The following ATP9A variants were observed in gnomAD, a reference collection of about 807,000 sequenced individuals.
The protein encoded by ATP9A is probable phospholipid-transporting ATPase IIA.
ATP9A carries 52 observed loss-of-function variants against 144.1 expected under a neutral mutation model. That is an observed-to-expected ratio of 0.36 (90% CI 0.29 to 0.45). ATP9A has a LOEUF of 0.45. Among genes scored for constraint, ATP9A ranks in the 20% least tolerant of loss-of-function variants. The pLI is 1.00. For synonymous variants in ATP9A, 582 were observed against 557.4 expected, an observed-to-expected ratio of 1.04 and a Z score of -0.62; for missense variants, 947 against 1,392.7, an observed-to-expected ratio of 0.68 and a Z score of 5.09.
chr20:51,652,659 G>A (rs1351998826), intron 14 of ATP9A, among the ~76,000 whole-genome samples: 3 of 152,190 alleles, frequency 2.0e-5, no homozygotes, highest in Non-Finnish European at 2.9e-5. Flanking sequence ...GGCCTCTGAA[G>A]TAGTTTTTAG....
At chr20:51,614,914 T>C (rs1170649048) in intron 22 of ATP9A, among the ~76,000 whole-genome samples, 1 of 152,072 alleles carries the variant, frequency 6.6e-6, no homozygotes, top group Non-Finnish European at 1.5e-5. Context: ...ATAAATGTGA[T>C]TTGCAATCCT....
chr20:51,650,960 GAA>G lies in ATP9A; in HGVS notation c.1506+5976_1506+5977del, dbSNP rs1249512456. On this transcript the variant is annotated intron_variant, in intron 14 of 27. Coordinates refer to ENST00000338821, the MANE Select transcript of ATP9A (RefSeq NM_006045.3). ...ACAAGCGTAAGTCCTACAGAAATGT[GAA>G]AGTCATATGACTTTCTTTTTTTTAA... Among the ~76,000 whole-genome samples the G allele has an allele frequency of 1.6e-4, 24 of 150,252 alleles. 1 individual carries two copies. Among genetic ancestry groups the G allele is most frequent in the African/African-American group, 5.6e-4 (23 of 40,854 alleles).
chr20:51,729,784 T>C (rs376197875), intron 2 of ATP9A, 50 bp downstream of exon 2: 6 of 1,498,238 alleles, frequency 4.0e-6, no homozygotes, highest in Non-Finnish European at 5.3e-6. Flanking sequence ...TACCAATGCA[T>C]GTATTTGTGA....
intron 17 of ATP9A, among the ~76,000 whole-genome samples, chr20:51,627,239 A>C (rs920806643): frequency 6.6e-6 from 1 of 152,176 alleles, no homozygotes; most frequent in African/African-American, 2.4e-5. Flanking sequence ...ACTCCTAGAC[A>C]TATTTTTTGG....
Position 51,618,956 on chromosome 20 carries a change from C to T in ATP9A, c.2203G>A (p.Glu735Lys), listed in dbSNP as rs1440737871. 1.2e-6 allele frequency: 2 copies of T among 1,614,078 alleles called. No homozygotes were observed. Among genetic ancestry groups the T allele is most frequent in the Non-Finnish European group, 1.7e-6 (2 of 1,179,954 alleles). ...CTCTCAGGGGTCCCCAAGCTCACCT[C>T]CAGGGAGTCTCCCGAGATGACCAGG... The part of the protein sequence containing the change: ...CALVISGDSL[E>K]VCLKYYEYEF... The change falls in exon 20 of 28, where the codon GAG becomes AAG. Residue 735 changes from glutamate (E) to lysine (K), a missense_variant and splice_region_variant. Around this residue, in one of 2 missense-constraint regions of ATP9A, gnomAD observed 770 missense variants for 1,047.9 expected, o/e 0.73. Transcript: ENST00000338821.
intron 1 of ATP9A, among the ~76,000 whole-genome samples, chr20:51,763,937 G>C (rs75854548): frequency 0.063 from 9,534 of 152,128 alleles, 338 homozygotes; most frequent in Admixed American, 0.096. Context: ...TCCTAAATTT[G>C]ATCAGGAAAA....
At chr20:51,762,582 C>T (rs557723146) in intron 1 of ATP9A, among the ~76,000 whole-genome samples, 145 of 152,096 alleles carry the variant, frequency 9.5e-4, no homozygotes, top group African/African-American at 3.4e-3. Flanking sequence ...TCGCTTGAAC[C>T]CGGGAGGTGG....
At chr20:51,616,309 T>G (rs2077202743) in intron 22 of ATP9A, among the ~76,000 whole-genome samples, 1 of 151,828 alleles carries the variant, frequency 6.6e-6, no homozygotes, top group African/African-American at 2.4e-5. Flanking sequence ...ACTCCTATAC[T>G]TCAAACACAC....
chr20:51,750,920 C>A (rs746929967), intron 1 of ATP9A, among the ~76,000 whole-genome samples: 84 of 152,194 alleles, frequency 5.5e-4, no homozygotes, highest in Non-Finnish European at 8.7e-4. Flanking sequence ...TCCCTCCAAG[C>A]CTGCTATGGC....
intron 3 of ATP9A, among the ~76,000 whole-genome samples, chr20:51,723,591 A>C (rs1465079277): frequency 2.3e-5 from 3 of 130,008 alleles, no homozygotes; most frequent in Admixed American, 1.8e-4. Context: ...TTTGAGACGG[A>C]GTCTCGCTCT....
intron 2 of ATP9A, among the ~76,000 whole-genome samples, chr20:51,729,355 C>A (rs2077729763): frequency 1.3e-5 from 2 of 151,774 alleles, no homozygotes. Context: ...CCTCCAACCC[C>A]GCCACTACCC....
At chr20:51,761,491 G>A (rs1284556300) in intron 1 of ATP9A, among the ~76,000 whole-genome samples, 2 of 152,130 alleles carry the variant, frequency 1.3e-5, no homozygotes, top group East Asian at 3.9e-4. Context: ...GCCGGGCGCC[G>A]TGGCTCACGG....
At chr20:51,719,312 A>T (rs2077677852) in intron 3 of ATP9A, among the ~76,000 whole-genome samples, 2 of 152,148 alleles carry the variant, frequency 1.3e-5, no homozygotes, top group South Asian at 4.1e-4. Context: ...AGGAAAAGGG[A>T]TGGGTCCAAT....
chr20:51,625,473 G>A lies in ATP9A; in HGVS notation c.1846-111C>T. On this transcript the variant is annotated intron_variant, in intron 17 of 27. Transcript: ENST00000338821. ...CCCGATCCCCACCACACGGGGTGGG[G>A]GACCCCAGCAGGTGAGCTGGACCCC... 5 of 1,311,052 alleles carry A rather than the reference G, an allele frequency of 3.8e-6. No individual in the cohort carries two copies. In the South Asian group the frequency reaches 4.6e-5, roughly 12 times the overall value. 81.2% of individuals were successfully genotyped at this position (1,311,052 alleles called of 1,614,324 possible). A position where few individuals can be genotyped will look rare whatever the true frequency, so the allele number is the denominator to read the frequency against.
At chr20:51,660,460 G>A (rs545520505) in intron 13 of ATP9A, among the ~76,000 whole-genome samples, 23 of 152,186 alleles carry the variant, frequency 1.5e-4, no homozygotes, top group Non-Finnish European at 2.9e-4. Context: ...TCACTCAGGA[G>A]ACCATCTGAC....
At chr20:51,752,595 G>A (rs2077837235) in intron 1 of ATP9A, among the ~76,000 whole-genome samples, 1 of 151,466 alleles carries the variant, frequency 6.6e-6, no homozygotes, top group East Asian at 2.0e-4. Flanking sequence ...CTTTCAAACA[G>A]CCGGCAATTC....
At position 51,601,065 on chromosome 20, in the gene ATP9A, G is replaced by A. The variant is rs2077140633; in HGVS notation, c.*146C>T. The A allele has an allele frequency of 1.4e-5, 15 of 1,038,990 alleles. No homozygotes were observed. Among genetic ancestry groups the A allele is most frequent in the East Asian group, 2.8e-5 (1 of 36,214 alleles). 64.4% of individuals were successfully genotyped at this position (1,038,990 alleles called of 1,614,324 possible). A position where few individuals can be genotyped will look rare whatever the true frequency, so the allele number is the denominator to read the frequency against. On this transcript the variant is annotated 3_prime_UTR_variant, in exon 28 of 28. Coordinates refer to ENST00000338821, the MANE Select transcript of ATP9A (RefSeq NM_006045.3). ...CCCGTTGATGCAGCGTTAGGACTCC[G>A]TTTAGGCGCAGAGCCACTTCCCATT...
chr20:51,678,469 C>T (rs749243064), intron 9 of ATP9A, among the ~76,000 whole-genome samples: 20 of 152,316 alleles, frequency 1.3e-4, no homozygotes, highest in Non-Finnish European at 2.2e-4. Context: ...GGGTCTAACA[C>T]ACTCAGCCAG....
At chr20:51,692,354 C>T (rs1272195297) in intron 7 of ATP9A, among the ~76,000 whole-genome samples, 1 of 152,186 alleles carries the variant, frequency 6.6e-6, no homozygotes, top group Non-Finnish European at 1.5e-5. Context: ...AACTACATTT[C>T]AAAGCAGCAT....
Sources: gnomAD v4.1 joint callset for allele counts (sites outside exome capture counted in the v4.1 genomes callset) on GRCh38, gnomAD v4.1.1 for gene constraint, gnomAD v4.1.1 regional missense constraint, MANE v1.5 for transcripts, NCBI Gene and HGNC (gene_info 2026-07-23, HGNC 2026-07-21) for gene names.